The following CDH18 variants were observed in gnomAD, a reference collection of about 807,000 sequenced individuals.
CDH18 encodes cadherin 18.
A neutral mutation model predicts 67.9 loss-of-function variants in CDH18; 31 were observed. That is an observed-to-expected ratio of 0.46 (90% confidence interval 0.34 to 0.62). The LOEUF is 0.62. Among genes scored for constraint, CDH18 ranks in the 20% least tolerant of loss-of-function variants. CDH18 has a pLI of 0.01. For missense variants in CDH18, 890 were observed against 975.5 expected (o/e 0.91, Z 1.17); for synonymous variants, 362 against 347.2 (o/e 1.04, Z -0.48).
intron 7 of CDH18, among the ~76,000 whole-genome samples, chr5:19,584,950 G>A (rs937442818): frequency 5.3e-5 from 8 of 150,494 alleles, no homozygotes; most frequent in Middle Eastern, 3.4e-3. Context: ...AGTCAAGATC[G>A]CACCACTGCA....
intron 1 of CDH18, among the ~76,000 whole-genome samples, chr5:20,492,819 T>C (rs1753670112): frequency 2.0e-5 from 3 of 152,202 alleles, no homozygotes; most frequent in Non-Finnish European, 4.4e-5. Flanking sequence ...TTTGCAGAGA[T>C]ATTTTGATAA....
At chr5:19,690,547 AAAC>A (rs1469863386) in intron 5 of CDH18, among the ~76,000 whole-genome samples, 7 of 151,664 alleles carry the variant, frequency 4.6e-5, no homozygotes, top group African/African-American at 1.2e-4. Context: ...ACCACTAGCT[AAAC>A]AACAACAGAA....
rs1190494500 is a variant in CDH18 at position 20,501,490 on chromosome 5, A to AT, written c.-580+73971dup. On this transcript the variant is annotated intron_variant, in intron 1 of 14. Transcript: ENST00000507958. ...TATATATTATATACATATTATATAT[A>AT]TTTTATATACATATTTTATATATAT... Among the ~76,000 whole-genome samples, 4 of 39,368 alleles carry AT rather than the reference A, an allele frequency of 1.0e-4. 1 individual carries two copies. The highest frequency in any genetic ancestry group is 6.9e-4 in the East Asian group (1 of 1,448). The allele number at this position is 39,368 out of a possible 152,430, so 25.8% of individuals were successfully genotyped here. A position where few individuals can be genotyped will look rare whatever the true frequency, so the allele number is the denominator to read the frequency against.
At chr5:19,831,441 G>A (rs994013911) in intron 3 of CDH18, among the ~76,000 whole-genome samples, 4 of 151,618 alleles carry the variant, frequency 2.6e-5, no homozygotes, top group Non-Finnish European at 4.4e-5. Context: ...TATTAAAAAT[G>A]GGACATAAAC....
At chr5:19,978,495 T>C (rs531857987) in intron 2 of CDH18, among the ~76,000 whole-genome samples, 10 of 152,236 alleles carry the variant, frequency 6.6e-5, no homozygotes, top group African/African-American at 1.9e-4. Context: ...GTTTTATTAG[T>C]TTCCCATTGC....
At chr5:20,168,845 T>C (rs1485526404) in intron 2 of CDH18, among the ~76,000 whole-genome samples, 8 of 152,100 alleles carry the variant, frequency 5.3e-5, no homozygotes. Flanking sequence ...TGCAGCAACA[T>C]AGATGAAGCT....
chr5:19,638,854 G>A (rs147399096), intron 5 of CDH18, among the ~76,000 whole-genome samples: 141 of 151,912 alleles, frequency 9.3e-4, no homozygotes, highest in Non-Finnish European at 1.6e-3. Flanking sequence ...CCCAGCCCAC[G>A]AGTTTCCTTT....
intron 1 of CDH18, among the ~76,000 whole-genome samples, chr5:20,329,529 G>A (rs1020325036): frequency 1.4e-4 from 21 of 151,918 alleles, no homozygotes; most frequent in Non-Finnish European, 1.9e-4. Context: ...TTGGGAGGCC[G>A]AGGCAGGCGG....
intron 2 of CDH18, among the ~76,000 whole-genome samples, chr5:20,101,723 A>C (rs924818308): frequency 6.6e-6 from 1 of 152,204 alleles, no homozygotes; most frequent in African/African-American, 2.4e-5. Context: ...TTTAAGTCAC[A>C]AATGAAGATC....
chr5:20,515,160 A>G (rs935194943), intron 1 of CDH18, among the ~76,000 whole-genome samples: 1 of 152,100 alleles, frequency 6.6e-6, no homozygotes, highest in Non-Finnish European at 1.5e-5. Flanking sequence ...AGACCTGATG[A>G]ACTGAATAGG....
At position 19,977,909 on chromosome 5, in the gene CDH18, T is replaced by G. The variant is rs961432497; in HGVS notation, c.-257+3151A>C. On this transcript the variant is annotated intron_variant, in intron 2 of 12. Coordinates refer to ENST00000382275, the MANE Select transcript of CDH18 (RefSeq NM_004934.5). Reference sequence around the variant, plus strand: ...TATATTCTCATTCTAAGCCAATCTTTGTTAATTATATGAGGTTACATTTTT... The same window carrying G: ...TATATTCTCATTCTAAGCCAATCTTGGTTAATTATATGAGGTTACATTTTT... 3.0e-4 allele frequency among the ~76,000 whole-genome samples: 45 copies of G among 152,268 alleles called. 1 individual carries two copies. Among genetic ancestry groups the G allele is most frequent in the African/African-American group, 1.1e-3 (44 of 41,572 alleles).
intron 1 of CDH18, among the ~76,000 whole-genome samples, chr5:20,560,261 GGA>G (rs1758125577): frequency 6.6e-6 from 1 of 151,982 alleles, no homozygotes. Context: ...AAACAGTCAT[GGA>G]GAGTGCTGTA....
rs774396694 is a variant in CDH18 at position 20,555,408 on chromosome 5, C to CTTTTTTTTTTTTTTTTT, written c.-580+20037_-580+20053dup. ...GCCAGAACCACCAAGACAAGCTTTT[C>CTTTTTTTTTTTTTTTTT]TTTTTTTTTTTTTTTTTTTTTTTTT... On this transcript the variant is annotated intron_variant, in intron 1 of 14. Transcript: ENST00000507958. Among the ~76,000 whole-genome samples, 97 of 103,660 alleles carry CTTTTTTTTTTTTTTTTT rather than the reference C, an allele frequency of 9.4e-4. 3 individuals carry two copies. The highest frequency in any genetic ancestry group is 1.6e-3 in the African/African-American group (39 of 24,368). The allele number at this position is 103,660 out of a possible 152,430, so 68.0% of individuals were successfully genotyped here.
intron 2 of CDH18, among the ~76,000 whole-genome samples, chr5:19,893,665 G>A (rs1259360379): frequency 6.6e-6 from 1 of 152,114 alleles, no homozygotes; most frequent in Non-Finnish European, 1.5e-5. Flanking sequence ...CACAACTGTA[G>A]GGGAACTTCA....
At chr5:19,565,960 A>G (rs1270950770) in intron 8 of CDH18, among the ~76,000 whole-genome samples, 1 of 152,214 alleles carries the variant, frequency 6.6e-6, no homozygotes, top group Non-Finnish European at 1.5e-5. Context: ...AAATATTTTC[A>G]GATTATCCAT....
intron 3 of CDH18, among the ~76,000 whole-genome samples, chr5:19,802,328 A>T (rs750996029): frequency 3.3e-5 from 5 of 152,198 alleles, no homozygotes; most frequent in Non-Finnish European, 7.3e-5. Context: ...CAAGTTTATG[A>T]ATCATTACTT....
intron 5 of CDH18, among the ~76,000 whole-genome samples, chr5:19,681,307 G>A (rs972816531): frequency 6.6e-6 from 1 of 151,794 alleles, no homozygotes; most frequent in Non-Finnish European, 1.5e-5. Flanking sequence ...CCTAAATGAC[G>A]AAATAATCTG....
chr5:20,036,229 A>C lies in CDH18; in HGVS notation c.-517-44215T>G, dbSNP rs551507896. On this transcript the variant is annotated intron_variant, in intron 2 of 14. Transcript: ENST00000507958. ...GTGAACTTTAACAGCTTACATGTCA[A>C]ACAGACTGGAACTAGGAGGTGATGA... Among the ~76,000 whole-genome samples, 172 of 152,114 alleles carry C rather than the reference A, an allele frequency of 1.1e-3. 4 individuals are homozygous for C. In the South Asian group the frequency reaches 0.034, roughly 30 times the overall value.
At chr5:20,412,974 C>A (rs1347863151) in intron 1 of CDH18, among the ~76,000 whole-genome samples, 1 of 152,294 alleles carries the variant, frequency 6.6e-6, no homozygotes, top group East Asian at 1.9e-4. Context: ...CCCCGCACCC[C>A]ACGACAGGCC....
Sources: allele counts gnomAD v4.1 joint callset (sites outside exome capture counted in the v4.1 genomes callset), GRCh38; gene constraint gnomAD v4.1.1; transcripts MANE v1.5; gene names NCBI Gene and HGNC (gene_info 2026-07-23, HGNC 2026-07-21).